Variants in C17orf67 observed in about 807,000 individuals in gnomAD.
C17orf67 encodes chromosome 17 open reading frame 67.
In C17orf67, 12 loss-of-function variants were observed where a neutral mutation model predicts 11.2. The ratio of observed to expected loss-of-function variants is 1.07; its 90% CI spans 0.68 to 1.73. The LOEUF (loss-of-function observed/expected upper bound fraction) is 1.73. Among genes scored for constraint, C17orf67 ranks in the 40% most tolerant of loss-of-function variants. The pLI is 0.00. For missense variants in C17orf67, 115 were observed against 113.5 expected, an observed-to-expected ratio of 1.01 and a Z score of -0.06; for synonymous variants, 59 against 46.9, an observed-to-expected ratio of 1.26 and a Z score of -1.05.
intron 7 of C17orf67, among the ~76,000 whole-genome samples, chr17:56,793,247 A>AT (rs1330023239): frequency 6.6e-6 from 1 of 151,986 alleles, no homozygotes; most frequent in East Asian, 1.9e-4. Flanking sequence ...TCAATTAGGC[A>AT]TTTTTTTCTA....
At chr17:56,822,351 A>C (rs1597998611) in intron 4 of C17orf67, among the ~76,000 whole-genome samples, 1 of 152,196 alleles carries the variant, frequency 6.6e-6, no homozygotes, top group Non-Finnish European at 1.5e-5. Flanking sequence ...TATAATGGTT[A>C]TGACTGTGGG....
At chr17:56,799,390 A>T (rs933152770) in intron 6 of C17orf67, among the ~76,000 whole-genome samples, 6 of 152,172 alleles carry the variant, frequency 3.9e-5, no homozygotes, top group Non-Finnish European at 8.8e-5. Flanking sequence ...GTTTAACTCC[A>T]TGTCTTTCCG....
At chr17:56,812,345 GC>G (rs1256001117) in intron 6 of C17orf67, among the ~76,000 whole-genome samples, 1 of 152,206 alleles carries the variant, frequency 6.6e-6, no homozygotes, top group African/African-American at 2.4e-5. Flanking sequence ...CCCACTGGGT[GC>G]CAAAAGCAAT....
intron 4 of C17orf67, among the ~76,000 whole-genome samples, chr17:56,823,056 A>C (rs1178331248): frequency 1.3e-5 from 2 of 152,246 alleles, no homozygotes; most frequent in African/African-American, 4.8e-5. Flanking sequence ...GGGACAAAGG[A>C]GCATTGGCAC....
intron 2 of C17orf67, among the ~76,000 whole-genome samples, chr17:56,829,541 T>C (rs998407044): frequency 6.6e-6 from 1 of 152,162 alleles, no homozygotes; most frequent in African/African-American, 2.4e-5. Context: ...GGCAGCGCTG[T>C]TCTCTCCCCT....
rs770264221 is a variant in C17orf67 at position 56,814,980 on chromosome 17, C to T, written c.56-11G>A. Reference sequence around the variant, plus strand: ...AAATCGGGGAGGTCTCTGGAAAAGTCGGGAAGGTGCCTTAAGGACACTCAG... The same window carrying T: ...AAATCGGGGAGGTCTCTGGAAAAGTTGGGAAGGTGCCTTAAGGACACTCAG... On this transcript the variant is annotated splice_polypyrimidine_tract_variant and intron_variant, in intron 5 of 7. Coordinates refer to ENST00000397861, the MANE Select transcript of C17orf67 (RefSeq NM_001085430.4). The T allele has an allele frequency of 1.4e-5, 22 of 1,611,306 alleles. No homozygotes were observed. The highest frequency in any genetic ancestry group is 1.9e-5 in the Non-Finnish European group (22 of 1,177,632).
chr17:56,826,205 T>TA (rs749206299), intron 2 of C17orf67, among the ~76,000 whole-genome samples: 7 of 152,198 alleles, frequency 4.6e-5, no homozygotes, highest in Non-Finnish European at 1.0e-4. Context: ...CCACCTGCCT[T>TA]AGTCTCCCAA....
At chr17:56,818,461 C>A (rs965531301) in intron 4 of C17orf67, among the ~76,000 whole-genome samples, 1 of 152,074 alleles carries the variant, frequency 6.6e-6, no homozygotes, top group Non-Finnish European at 1.5e-5. Flanking sequence ...GGAGTTCAAG[C>A]CTGCAGTGAG....
At chr17:56,801,576 T>C (rs1358039809) in intron 6 of C17orf67, among the ~76,000 whole-genome samples, 41 of 152,186 alleles carry the variant, frequency 2.7e-4, no homozygotes. Flanking sequence ...TGGTTATGGT[T>C]GTTGTTTTCA....
intron 6 of C17orf67, among the ~76,000 whole-genome samples, chr17:56,813,324 C>A (rs1422454168): frequency 6.6e-6 from 1 of 151,934 alleles, no homozygotes; most frequent in African/African-American, 2.4e-5. Context: ...TGCCTCCCCG[C>A]CTTGCTCTGC....
intron 6 of C17orf67, among the ~76,000 whole-genome samples, chr17:56,811,713 G>A (rs1357891656): frequency 6.6e-6 from 1 of 152,172 alleles, no homozygotes; most frequent in Admixed American, 6.5e-5. Context: ...TGCTTAGTAG[G>A]GCATGGTCAA....
intron 6 of C17orf67, among the ~76,000 whole-genome samples, chr17:56,809,766 TCTACACACACA>T (rs1905554077): frequency 9.1e-6 from 1 of 109,308 alleles, no homozygotes; most frequent in African/African-American, 3.6e-5. Flanking sequence ...CACACACCCC[TCTACACACACA>T]CCTCATACAC....
At chr17:56,803,535 T>C (rs1905375227) in intron 6 of C17orf67, among the ~76,000 whole-genome samples, 1 of 152,240 alleles carries the variant, frequency 6.6e-6, no homozygotes, top group African/African-American at 2.4e-5. Flanking sequence ...GACCAAAGTA[T>C]ATCTGGTCTG....
At chr17:56,829,416 G>C (rs996602507) in intron 2 of C17orf67, among the ~76,000 whole-genome samples, 4 of 152,334 alleles carry the variant, frequency 2.6e-5, no homozygotes, top group African/African-American at 9.6e-5. Flanking sequence ...ATCTATGCTG[G>C]AGTCCCTGGA....
chr17:56,832,871 CATA>C (rs570019893), intron 2 of C17orf67, 24 bp downstream of exon 2: 39 of 152,346 alleles, frequency 2.6e-4, no homozygotes, highest in Middle Eastern at 3.4e-3. Flanking sequence ...TATATGCACA[CATA>C]ATAATATATA....
rs1905745314 is a variant in C17orf67, at chr17:56,815,770, A to G, written c.41T>C (p.Leu14Pro). The change falls in exon 5 of 8, where the codon CTG becomes CCG. Residue 14 changes from leucine to proline, a missense_variant. Leu to Pro is a moderately conservative substitution (Grantham distance 98). Transcript: ENST00000397861. ...LPVLVLSLTLLTVFSETSPIL... is the reference protein window; with the variant it reads ...LPVLVLSLTLPTVFSETSPIL... ...TCAGTGCCCACCTGAGAAGACAGTCAGTAAGGTAAGAGACAGCACGAGCAC... is the reference window on the plus strand; with the variant it reads ...TCAGTGCCCACCTGAGAAGACAGTCGGTAAGGTAAGAGACAGCACGAGCAC... 1 of 1,611,350 alleles carries G rather than the reference A, an allele frequency of 6.2e-7. No homozygotes were observed. The highest frequency in any genetic ancestry group is 1.3e-5 in the African/African-American group (1 of 74,900).
rs142718726 is a variant in C17orf67 at position 56,797,828 on chromosome 17, C to T, written c.157-2648G>A. ...CCTCCAAATGCGCCTTGGTCTTCCC[C>T]GAAGCCAGTTCAGGCTGTGAATTTT... On this transcript the variant is annotated intron_variant, in intron 6 of 7. Coordinates refer to ENST00000397861, the MANE Select transcript of C17orf67 (RefSeq NM_001085430.4). 1.4e-3 allele frequency among the ~76,000 whole-genome samples: 210 copies of T among 152,246 alleles called. 1 individual carries two copies. Among genetic ancestry groups the T allele is most frequent in the African/African-American group, 4.5e-3 (188 of 41,530 alleles).
At chr17:56,822,331 G>T (rs944013445) in intron 4 of C17orf67, among the ~76,000 whole-genome samples, 1 of 152,176 alleles carries the variant, frequency 6.6e-6, no homozygotes, top group African/African-American at 2.4e-5. Flanking sequence ...CTACTGTGTA[G>T]GCAGTGTGGT....
chr17:56,804,140 A>G (rs973178330), intron 6 of C17orf67: 2 of 152,194 alleles, frequency 1.3e-5, no homozygotes, highest in Admixed American at 1.3e-4. Flanking sequence ...TCCATGTCAA[A>G]TGCCAACTAT....
Sources: allele counts gnomAD v4.1 joint callset (sites outside exome capture counted in the v4.1 genomes callset), GRCh38; gene constraint gnomAD v4.1.1; transcripts MANE v1.5; gene names NCBI Gene and HGNC (gene_info 2026-07-23, HGNC 2026-07-21).